Variants in PRPF3 observed in about 807,000 individuals in gnomAD.
PRPF3 encodes the protein pre-mRNA processing factor 3.
In PRPF3, 3 loss-of-function variants were observed where a neutral mutation model predicts 89.2. The observed-to-expected ratio is 0.03, with a 90% CI of 0.02 to 0.09. PRPF3 has a LOEUF of 0.09. Among genes scored for constraint, PRPF3 ranks in the 10% least tolerant of loss-of-function variants. The pLI, the probability that PRPF3 is intolerant of heterozygous loss-of-function variation, is 1.00. For synonymous variants in PRPF3, 270 were observed against 289.1 expected, an observed-to-expected ratio of 0.93 and a Z score of 0.67; for missense variants, 463 against 828.8, an observed-to-expected ratio of 0.56 and a Z score of 5.42.
At chr1:150,351,970 C>A (rs1658974094) in intron 15 of PRPF3, among the ~76,000 whole-genome samples, 1 of 152,134 alleles carries the variant, frequency 6.6e-6, no homozygotes, top group East Asian at 1.9e-4. Context: ...AAGCCAAGTT[C>A]TGCTCCAGCC....
chr1:150,352,721 T>C, intron 15 of PRPF3, 112 bp from the exon 16 acceptor site: 1 of 1,203,788 alleles, frequency 8.3e-7, no homozygotes, highest in Non-Finnish European at 1.2e-6. Flanking sequence ...AACCATAAAA[T>C]CACGTTCAGC....
intron 12 of PRPF3, 105 bp downstream of exon 12, chr1:150,344,652 C>T (rs181425646): frequency 3.7e-5 from 45 of 1,219,040 alleles, no homozygotes; most frequent in Non-Finnish European, 5.9e-6. Flanking sequence ...AACACCAGTT[C>T]CTACTCTCTT....
intron 1 of PRPF3, among the ~76,000 whole-genome samples, chr1:150,322,798 C>G (rs1484277388): frequency 6.6e-5 from 10 of 151,652 alleles, no homozygotes; most frequent in Non-Finnish European, 1.3e-4. Flanking sequence ...ATTCCCAGAT[C>G]TTTGATAAGT....
At chr1:150,338,433 T>G in intron 8 of PRPF3, 107 bp downstream of exon 8, 2 of 1,094,566 alleles carry the variant, frequency 1.8e-6, no homozygotes, top group Non-Finnish European at 2.7e-6. Flanking sequence ...GGAAGGATGG[T>G]ACTCATTCAT....
At chr1:150,324,756 A>G (rs1031121953) in intron 1 of PRPF3, 139 bp from the exon 2 acceptor site, 2 of 543,260 alleles carry the variant, frequency 3.7e-6, no homozygotes, top group Non-Finnish European at 6.4e-6. Context: ...CATGTTGGCC[A>G]GACTGGTCTC....
chr1:150,337,501 A>G (rs587703875), intron 7 of PRPF3, among the ~76,000 whole-genome samples: 4 of 152,174 alleles, frequency 2.6e-5, no homozygotes, highest in African/African-American at 9.6e-5. Flanking sequence ...TTAGGTGTAA[A>G]GAGTTCAACG....
At chr1:150,335,366 T>G (rs1656850932) in intron 7 of PRPF3, 125 bp downstream of exon 7, 3 of 1,141,852 alleles carry the variant, frequency 2.6e-6, no homozygotes, top group Admixed American at 4.2e-5. Context: ...GTCCTCAACC[T>G]TTTTGGCACC....
At chr1:150,338,027 C>T (rs1657240017) in intron 7 of PRPF3, 133 bp from the exon 8 acceptor site, 3 of 877,594 alleles carry the variant, frequency 3.4e-6, no homozygotes. Context: ...TTAGCCAAGA[C>T]CATGCCATTG....
At chr1:150,329,066 G>C (rs587637115) in intron 4 of PRPF3, among the ~76,000 whole-genome samples, 3 of 108,608 alleles carry the variant, frequency 2.8e-5, no homozygotes, top group East Asian at 4.6e-4. Flanking sequence ...GTTTCACTCT[G>C]TTGCCCATGC....
At chr1:150,334,510 A>G (rs186131067) in intron 6 of PRPF3, among the ~76,000 whole-genome samples, 38 of 151,482 alleles carry the variant, frequency 2.5e-4, no homozygotes, top group Admixed American at 1.1e-3. Flanking sequence ...TTTTGTAGAG[A>G]TGGGGTTTCA....
rs141704783 is a variant in PRPF3 at position 150,343,015 on chromosome 1, A to G, written c.1283-294A>G. Reference sequence around the variant, plus strand: ...TGATATTTACCTAGGTTTCTTTAATATTTTTATTGCTGTCCGGGCCTGGTG... The same window carrying G: ...TGATATTTACCTAGGTTTCTTTAATGTTTTTATTGCTGTCCGGGCCTGGTG... On this transcript the variant is annotated intron_variant, in intron 9 of 15. Transcript: ENST00000324862. The G allele has an allele frequency of 1.3e-5, 2 of 156,630 alleles. 1 individual carries two copies. The highest frequency in any genetic ancestry group is 2.8e-5 in the Non-Finnish European group (2 of 71,688). The allele number at this position is 156,630 out of a possible 1,614,324, so 9.7% of individuals were successfully genotyped here. A position where few individuals can be genotyped will look rare whatever the true frequency, so the allele number is the denominator to read the frequency against.
chr1:150,348,460 A>ATTTTT (rs1185909509), intron 14 of PRPF3, among the ~76,000 whole-genome samples: 8 of 48,462 alleles, frequency 1.7e-4, no homozygotes, highest in Non-Finnish European at 2.5e-4. Context: ...CTACACGTGC[A>ATTTTT]TTTTTTTTTT....
At chr1:150,345,560 A>G (rs1553872669) in intron 12 of PRPF3, 2 of 195,020 alleles carry the variant, frequency 1.0e-5, no homozygotes, top group African/African-American at 2.4e-5. Context: ...CATGTTGGCC[A>G]GGCTGGTCTT....
chr1:150,337,527 A>C (rs1553868303), intron 7 of PRPF3, among the ~76,000 whole-genome samples: 1 of 151,782 alleles, frequency 6.6e-6, no homozygotes, highest in African/African-American at 2.4e-5. Flanking sequence ...GTGTTTTAAA[A>C]TTTGGGATTC....
intron 4 of PRPF3, among the ~76,000 whole-genome samples, chr1:150,330,662 GT>G (rs1553865213): frequency 6.7e-6 from 1 of 149,180 alleles, no homozygotes. Flanking sequence ...GCCCAATGAT[GT>G]TTTTTATGGA....
intron 15 of PRPF3, among the ~76,000 whole-genome samples, chr1:150,350,552 G>A (rs1411473881): frequency 2.0e-5 from 3 of 152,126 alleles, no homozygotes; most frequent in Admixed American, 6.6e-5. Context: ...CTGCTGAAGC[G>A]AGCAGTAAAA....
intron 9 of PRPF3, among the ~76,000 whole-genome samples, chr1:150,342,107 C>G (rs1247676498): frequency 6.6e-6 from 1 of 151,866 alleles, no homozygotes; most frequent in South Asian, 2.1e-4. Flanking sequence ...AGAGGCCAGG[C>G]GAGGTGGCTC....
intron 8 of PRPF3, among the ~76,000 whole-genome samples, chr1:150,339,923 A>G (rs1348199274): frequency 8.0e-5 from 12 of 150,924 alleles, no homozygotes; most frequent in African/African-American, 2.7e-4. Flanking sequence ...GAGTTTCACT[A>G]TTTGGCCAAA....
chr1:150,328,168 C>A, intron 3 of PRPF3, 152 bp from the exon 4 acceptor site: 1 of 766,986 alleles, frequency 1.3e-6, no homozygotes, highest in Non-Finnish European at 2.2e-6. Flanking sequence ...GATGGAGAGT[C>A]TAGTAGACCC....
Sources: gnomAD v4.1 joint callset for allele counts (sites outside exome capture counted in the v4.1 genomes callset) on GRCh38, gnomAD v4.1.1 for gene constraint, MANE v1.5 for transcripts, NCBI Gene and HGNC (gene_info 2026-07-23, HGNC 2026-07-21) for gene names.